Variants in NLGN1 observed in about 807,000 individuals in gnomAD.
NLGN1 encodes the protein neuroligin 1.
In NLGN1, 12 loss-of-function variants were observed where a neutral mutation model predicts 65.5. The observed-to-expected ratio is 0.18, with a 90% CI of 0.12 to 0.30. NLGN1 has a LOEUF of 0.30. Among genes scored for constraint, NLGN1 ranks in the 10% least tolerant of loss-of-function variants. The pLI is 1.00. For synonymous variants in NLGN1, 350 were observed against 359.5 expected (o/e 0.97, Z 0.30); for missense variants, 750 against 1,007.1 (o/e 0.74, Z 3.46).
chr3:174,087,412 C>T (rs1743630863), intron 4 of NLGN1, among the ~76,000 whole-genome samples: 1 of 152,030 alleles, frequency 6.6e-6, no homozygotes. Flanking sequence ...ACAAAGCTGC[C>T]AATGCATGCG....
At chr3:173,981,375 C>T (rs891022749) in intron 4 of NLGN1, among the ~76,000 whole-genome samples, 2 of 152,088 alleles carry the variant, frequency 1.3e-5, no homozygotes, top group African/African-American at 4.8e-5. Flanking sequence ...ACATAAAACA[C>T]AGAATGGTAA....
At chr3:173,530,418 A>G (rs932821617) in intron 2 of NLGN1, among the ~76,000 whole-genome samples, 1 of 152,174 alleles carries the variant, frequency 6.6e-6, no homozygotes, top group Non-Finnish European at 1.5e-5. Flanking sequence ...GGTGTGGATG[A>G]ATGAAACAGA....
At chr3:174,052,208 G>A (rs143048052) in intron 4 of NLGN1, among the ~76,000 whole-genome samples, 1 of 150,442 alleles carries the variant, frequency 6.6e-6, no homozygotes, top group Non-Finnish European at 1.5e-5. Context: ...TTTCAATCTG[G>A]GGGGAAAGGC....
At chr3:174,055,807 G>A (rs958115955) in intron 4 of NLGN1, among the ~76,000 whole-genome samples, 1 of 151,922 alleles carries the variant, frequency 6.6e-6, no homozygotes, top group Non-Finnish European at 1.5e-5. Flanking sequence ...ATAATTGTCA[G>A]CAATAATCAT....
intron 4 of NLGN1, among the ~76,000 whole-genome samples, chr3:174,053,388 G>A (rs1560929727): frequency 6.6e-6 from 1 of 151,938 alleles, no homozygotes; most frequent in African/African-American, 2.4e-5. Flanking sequence ...TGGTGGTCTT[G>A]TAAACACAAT....
At chr3:173,944,173 T>C (rs1746730941) in intron 4 of NLGN1, among the ~76,000 whole-genome samples, 1 of 141,376 alleles carries the variant, frequency 7.1e-6, no homozygotes, top group African/African-American at 2.7e-5. Context: ...TTTGTCCCTA[T>C]GCAAGGAGGA....
At chr3:173,937,933 A>G (rs1745337216) in intron 4 of NLGN1, among the ~76,000 whole-genome samples, 1 of 152,160 alleles carries the variant, frequency 6.6e-6, no homozygotes, top group Non-Finnish European at 1.5e-5. Context: ...TGTAAATGTG[A>G]CCCAATAATG....
intron 4 of NLGN1, among the ~76,000 whole-genome samples, chr3:173,968,875 A>AT (rs1715518449): frequency 6.6e-6 from 1 of 150,806 alleles, no homozygotes. Flanking sequence ...TAATTTTTGT[A>AT]TTTTTAGTAG....
At chr3:173,897,940 A>C (rs1338518953) in intron 4 of NLGN1, among the ~76,000 whole-genome samples, 1 of 152,194 alleles carries the variant, frequency 6.6e-6, no homozygotes, top group East Asian at 1.9e-4. Context: ...GTGTACTGTA[A>C]AAGTTAACAC....
At chr3:173,497,954 G>A (rs904445408) in intron 2 of NLGN1, among the ~76,000 whole-genome samples, 14 of 151,724 alleles carry the variant, frequency 9.2e-5, no homozygotes, top group Admixed American at 7.2e-4. Context: ...TCAGAAGATA[G>A]GCACTTTTTA....
At chr3:174,172,302 A>G (rs1325809095) in intron 4 of NLGN1, among the ~76,000 whole-genome samples, 2 of 152,030 alleles carry the variant, frequency 1.3e-5, no homozygotes, top group African/African-American at 2.4e-5. Context: ...CAACAATCCA[A>G]TTACACTCTT....
intron 4 of NLGN1, among the ~76,000 whole-genome samples, chr3:174,160,742 A>G (rs1317946599): frequency 6.6e-6 from 1 of 151,328 alleles, no homozygotes; most frequent in African/African-American, 2.4e-5. Context: ...TGCCAATATA[A>G]TAGTTTTATT....
chr3:173,631,898 G>T (rs1168171048), intron 3 of NLGN1, among the ~76,000 whole-genome samples: 3 of 143,910 alleles, frequency 2.1e-5, no homozygotes, highest in African/African-American at 8.2e-5. Flanking sequence ...AATTTAAAAT[G>T]TTCTTTTTTT....
chr3:173,698,650 AT>A (rs200864680), intron 3 of NLGN1, among the ~76,000 whole-genome samples: 1 of 152,022 alleles, frequency 6.6e-6, no homozygotes, highest in Non-Finnish European at 1.5e-5. Flanking sequence ...TTGCTACATA[AT>A]TTTTTTTCTA....
intron 4 of NLGN1, among the ~76,000 whole-genome samples, chr3:174,190,079 CTTG>C: frequency 6.6e-6 from 1 of 152,050 alleles, no homozygotes. Flanking sequence ...AGGTACAACA[CTTG>C]AGCACTGTGC....
chr3:174,223,578 C>G (rs1160768523), intron 4 of NLGN1, among the ~76,000 whole-genome samples: 4 of 152,180 alleles, frequency 2.6e-5, no homozygotes, highest in African/African-American at 4.8e-5. Context: ...TGGCAACTCT[C>G]AAATCAGTGT....
At chr3:173,669,413 G>C (rs192413760) in intron 3 of NLGN1, among the ~76,000 whole-genome samples, 4 of 152,306 alleles carry the variant, frequency 2.6e-5, no homozygotes, top group African/African-American at 4.8e-5. Context: ...GAAAAGATCT[G>C]TTCCCGTCTC....
chr3:173,448,115 A>C lies in NLGN1; in HGVS notation c.-321+13037A>C, dbSNP rs564799062. Among the ~76,000 whole-genome samples the C allele has an allele frequency of 3.9e-3, 588 of 152,262 alleles. 4 individuals are homozygous for C. The highest frequency in any genetic ancestry group is 0.013 in the African/African-American group (551 of 41,536). Reference sequence around the variant, plus strand: ...AACACTATGTTGAATAGGAGTGGTGAGAGAGGGCATCCCTGTCTTGTGCCA... The same window carrying C: ...AACACTATGTTGAATAGGAGTGGTGCGAGAGGGCATCCCTGTCTTGTGCCA... On this transcript the variant is annotated intron_variant, in intron 2 of 6. Coordinates refer to ENST00000457714, the Ensembl canonical transcript of NLGN1.
intron 3 of NLGN1, among the ~76,000 whole-genome samples, chr3:173,788,853 A>T (rs923406111): frequency 2.9e-5 from 4 of 140,216 alleles, no homozygotes; most frequent in African/African-American, 1.1e-4. Context: ...AAAAAAAAAA[A>T]AAAAAAAAAG....
Sources: allele counts gnomAD v4.1 joint callset (sites outside exome capture counted in the v4.1 genomes callset), GRCh38; gene constraint gnomAD v4.1.1; transcripts MANE v1.5; gene names NCBI Gene and HGNC (gene_info 2026-07-23, HGNC 2026-07-21).